The following PCDHGB7 variants were observed in gnomAD, a reference collection of about 807,000 sequenced individuals.
The protein encoded by PCDHGB7 is protocadherin gamma-B7.
Under a neutral mutation model 61.4 loss-of-function variants are expected in PCDHGB7, and 37 were observed. The observed-to-expected ratio is 0.60, with a 90% CI of 0.46 to 0.79. The LOEUF (loss-of-function observed/expected upper bound fraction) is 0.79, where lower values mean the gene tolerates loss of function less well. PCDHGB7 is among the 30% of genes least tolerant of loss of function. The pLI is 0.00. For synonymous variants in PCDHGB7, 464 were observed against 503.5 expected, an observed-to-expected ratio of 0.92 and a Z score of 1.05; for missense variants, 1,166 against 1,202.5, an observed-to-expected ratio of 0.97 and a Z score of 0.45.
chr5:141,432,537 C>T lies in PCDHGB7; in HGVS notation c.2415+12263C>T, dbSNP rs367578838. Reference sequence around the variant, plus strand: ...GGCTACCTGGTGACCAAGGTGGTGGCGGTGGACAGAGACTCCGGCCAGAAC... The same window carrying T: ...GGCTACCTGGTGACCAAGGTGGTGGTGGTGGACAGAGACTCCGGCCAGAAC... On this transcript the variant is annotated intron_variant, in intron 1 of 3. Transcript: ENST00000398594. This position sits in a 1 kb window ranked among gnomAD's most constrained non-coding sequence, Gnocchi z 6.0. The T allele has an allele frequency of 5.6e-6, 9 of 1,613,882 alleles. No homozygotes were observed. The African/African-American group carries it at 6.7e-5, about 12-fold the overall frequency.
intron 1 of PCDHGB7, among the ~76,000 whole-genome samples, chr5:141,482,530 C>CGAAAAAAA (rs2099566141): frequency 1.3e-5 from 1 of 76,562 alleles, no homozygotes; most frequent in African/African-American, 4.8e-5. Context: ...GACAGACATG[C>CGAAAAAAA]AAAAAAAAAA....
At chr5:141,501,983 C>T (rs957901405) in intron 2 of PCDHGB7, among the ~76,000 whole-genome samples, 1 of 152,068 alleles carries the variant, frequency 6.6e-6, no homozygotes, top group Non-Finnish European at 1.5e-5. Context: ...CATCTGGTCC[C>T]GTTGTCTCCC....
Position 141,494,815 on chromosome 5 carries a change from G to A in PCDHGB7, c.2424G>A (p.Pro808=), listed in dbSNP as rs765344906. 1 of 1,613,976 alleles carries A rather than the reference G, an allele frequency of 6.2e-7. No homozygotes were observed. Among genetic ancestry groups the A allele is most frequent in the South Asian group, 1.1e-5 (1 of 91,072 alleles). ...ADKKILKQQA[P]PNTDWRFSQA... The stretch of plus-strand genomic sequence containing the variant: ...CTCTGTTTTCTCCACAGCAAGCCCC[G>A]CCCAACACGGACTGGCGTTTCTCTC... The change falls in exon 2 of 4, where the codon CCG becomes CCA. Residue 808 remains proline, a synonymous_variant. Transcript: ENST00000398594.
At chr5:141,446,697 C>T (rs1254994356) in intron 1 of PCDHGB7, among the ~76,000 whole-genome samples, 9 of 152,134 alleles carry the variant, frequency 5.9e-5, no homozygotes, top group Admixed American at 5.9e-4. Context: ...AGGCTGGTCT[C>T]GAACTCTGAT....
intron 1 of PCDHGB7, chr5:141,427,261 C>A (rs903526432): frequency 1.5e-5 from 7 of 456,556 alleles, no homozygotes; most frequent in African/African-American, 4.0e-5. Flanking sequence ...GGAGGCATGA[C>A]CAGCGAATGT....
chr5:141,449,900 A>G (rs2098658617), intron 1 of PCDHGB7, among the ~76,000 whole-genome samples: 2 of 151,878 alleles, frequency 1.3e-5, no homozygotes, highest in South Asian at 2.1e-4. Context: ...TATTTAGCCT[A>G]TAGTCCATAT....
Position 141,432,849 on chromosome 5 carries a change from T to G in PCDHGB7, c.2415+12575T>G. The G allele has an allele frequency of 1.2e-6, 2 of 1,614,194 alleles. No homozygotes were observed. The highest frequency in any genetic ancestry group is 2.2e-5 in the South Asian group (2 of 91,092). ...CTCACTCTGTACCTGGTGGTAGCGG[T>G]GGCCGCGGTCTCCTGCGTCTTCCTG... On this transcript the variant is annotated intron_variant, in intron 1 of 3. Coordinates refer to ENST00000398594, the MANE Select transcript of PCDHGB7 (RefSeq NM_018927.4). This position sits in a 1 kb window ranked among gnomAD's most constrained non-coding sequence, Gnocchi z 6.0.
intron 1 of PCDHGB7, among the ~76,000 whole-genome samples, chr5:141,450,951 A>G (rs1018018318): frequency 1.3e-5 from 2 of 151,732 alleles, no homozygotes; most frequent in Non-Finnish European, 2.9e-5. Context: ...CAGCCTCCCA[A>G]GTAGCTGGGA....
chr5:141,428,073 G>A (rs2097106496), intron 1 of PCDHGB7: 1 of 1,609,082 alleles, frequency 6.2e-7, no homozygotes, highest in Admixed American at 1.7e-5. Flanking sequence ...CGCAGATTCG[G>A]GACACAACGC....
intron 1 of PCDHGB7, among the ~76,000 whole-genome samples, chr5:141,472,969 A>G: frequency 6.8e-6 from 1 of 147,990 alleles, no homozygotes; most frequent in Non-Finnish European, 1.5e-5. Flanking sequence ...CTGGGGAACA[A>G]GAGTGAAACT....
At chr5:141,464,729 G>T (rs1412585185) in intron 1 of PCDHGB7, among the ~76,000 whole-genome samples, 1 of 151,948 alleles carries the variant, frequency 6.6e-6, no homozygotes, top group Non-Finnish European at 1.5e-5. Context: ...ATGTTTAAAA[G>T]CCAGTTTATA....
chr5:141,499,551 A>T (rs1178321389), intron 2 of PCDHGB7, among the ~76,000 whole-genome samples: 1 of 152,200 alleles, frequency 6.6e-6, no homozygotes, highest in Non-Finnish European at 1.5e-5. Flanking sequence ...AACCTGTATG[A>T]TACCACTATC....
intron 3 of PCDHGB7, 89 bp downstream of exon 3, chr5:141,505,570 C>G: frequency 6.3e-7 from 1 of 1,598,162 alleles, no homozygotes; most frequent in Admixed American, 1.7e-5. Context: ...GACTGGATGT[C>G]AAACCTGTGT....
chr5:141,460,795 G>GTA (rs2154567069), intron 1 of PCDHGB7, among the ~76,000 whole-genome samples: 1 of 151,608 alleles, frequency 6.6e-6, no homozygotes, highest in East Asian at 1.9e-4. Flanking sequence ...TACACACAAA[G>GTA]TATATATATG....
At chr5:141,449,979 C>T (rs1382206842) in intron 1 of PCDHGB7, among the ~76,000 whole-genome samples, 1 of 148,862 alleles carries the variant, frequency 6.7e-6, no homozygotes, top group Non-Finnish European at 1.5e-5. Context: ...TCCAAAATAT[C>T]ACACATTGCA....
At chr5:141,433,326 A>G in intron 1 of PCDHGB7, 1 of 726,596 alleles carries the variant, frequency 1.4e-6, no homozygotes. Context: ...CCGGTGTAAC[A>G]GGGACTACAG....
chr5:141,432,630 G>A lies in PCDHGB7; in HGVS notation c.2415+12356G>A, dbSNP rs1278355878. On this transcript the variant is annotated intron_variant, in intron 1 of 3. Coordinates refer to ENST00000398594, the MANE Select transcript of PCDHGB7 (RefSeq NM_018927.4). This position sits in a 1 kb window ranked among gnomAD's most constrained non-coding sequence, Gnocchi z 6.0. ...CTCTTCTCGGTGGGTCTGCACACGG[G>A]CGAGGTGCGCACGGCGCGAGCCCTG... 3.7e-6 allele frequency: 6 copies of A among 1,612,782 alleles called. No homozygotes were observed. Among genetic ancestry groups the A allele is most frequent in the Non-Finnish European group, 5.1e-6 (6 of 1,179,682 alleles).
At chr5:141,472,408 G>T (rs780468341) in intron 1 of PCDHGB7, among the ~76,000 whole-genome samples, 1 of 152,064 alleles carries the variant, frequency 6.6e-6, no homozygotes, top group Non-Finnish European at 1.5e-5. Flanking sequence ...AGGCGTGGTG[G>T]CACGCACCTG....
intron 1 of PCDHGB7, chr5:141,421,696 A>G: frequency 6.2e-7 from 1 of 1,613,886 alleles, no homozygotes; most frequent in Non-Finnish European, 8.5e-7. Context: ...TGCTCTTCCT[A>G]ATGCTAGGGA....
Sources: gnomAD v4.1 joint callset for allele counts (sites outside exome capture counted in the v4.1 genomes callset) on GRCh38, gnomAD v4.1.1 for gene constraint, Gnocchi (gnomAD v3.1) non-coding constraint, MANE v1.5 for transcripts, NCBI Gene and HGNC (gene_info 2026-07-23, HGNC 2026-07-21) for gene names.